CDKL4: variants seen among roughly 807,000 people sequenced by gnomAD.
The protein encoded by CDKL4 is cyclin dependent kinase like 4.
CDKL4 carries 44 observed loss-of-function variants against 42.0 expected under a neutral mutation model. The ratio of observed to expected loss-of-function variants is 1.05; its 90% CI spans 0.82 to 1.35. The LOEUF (loss-of-function observed/expected upper bound fraction) is 1.35, where lower values mean the gene tolerates loss of function less well. Among genes scored for constraint, CDKL4 ranks in the 40% most tolerant of loss-of-function variants. The probability of loss-of-function intolerance (pLI) is 0.00; values close to 1 mark genes in which losing one functional copy is unlikely to be tolerated. For synonymous variants in CDKL4, 120 were observed against 121.6 expected (o/e 0.99, Z 0.09); for missense variants, 393 against 369.9 (o/e 1.06, Z -0.51).
In CDKL4 at chr2:39,184,588, T is replaced by C; in HGVS notation, c.792+3A>G. 4 of 1,605,312 alleles carry C rather than the reference T, an allele frequency of 2.5e-6. No homozygotes were observed. In the East Asian group the frequency reaches 8.9e-5, roughly 36 times the overall value. On this transcript the variant is annotated splice_donor_region_variant and intron_variant, in intron 8 of 9. Transcript: ENST00000451199. ...ATAAGAGTTATAATTGATTCTTAAG[T>C]ACCTTCATGAAGTTCAGAGCCACAG...
downstream of CDKL4, among the ~76,000 whole-genome samples, chr2:39,173,841 G>C (rs1420884746): frequency 1.3e-5 from 2 of 149,384 alleles, no homozygotes; most frequent in Non-Finnish European, 3.0e-5. Context: ...AAATTAGCTG[G>C]GCATGGTGGC....
At chr2:39,192,634 T>C (rs1037608564) in intron 5 of CDKL4, among the ~76,000 whole-genome samples, 1 of 152,044 alleles carries the variant, frequency 6.6e-6, no homozygotes, top group Non-Finnish European at 1.5e-5. Context: ...TGTGTCCTGA[T>C]TTTTTTCATT....
At chr2:39,242,744 G>GA (rs1473420318) in intron 1 of CDKL4, among the ~76,000 whole-genome samples, 1 of 152,054 alleles carries the variant, frequency 6.6e-6, no homozygotes, top group Non-Finnish European at 1.5e-5. Context: ...AAAGAAGAGT[G>GA]AAAAAACACA....
At chr2:39,185,177 CATATGTGTATAT>C (rs1675662270) in intron 7 of CDKL4, among the ~76,000 whole-genome samples, 3 of 112,678 alleles carry the variant, frequency 2.7e-5, no homozygotes, top group African/African-American at 1.1e-4. Context: ...TATATATATA[CATATGTGTATAT>C]ACATATATAT....
intron 9 of CDKL4, among the ~76,000 whole-genome samples, chr2:39,178,274 C>T (rs767510545): frequency 2.0e-5 from 3 of 152,168 alleles, no homozygotes; most frequent in Non-Finnish European, 4.4e-5. Context: ...TGGGAAAAGA[C>T]AACACTTTCT....
At chr2:39,238,742 A>T (rs1049324922) in intron 1 of CDKL4, among the ~76,000 whole-genome samples, 1 of 150,974 alleles carries the variant, frequency 6.6e-6, no homozygotes, top group Admixed American at 6.6e-5. Flanking sequence ...GACTTTTAAA[A>T]TTTTATTTTA....
chr2:39,241,780 C>A (rs1483211388), intron 1 of CDKL4, among the ~76,000 whole-genome samples: 1 of 152,186 alleles, frequency 6.6e-6, no homozygotes, highest in Non-Finnish European at 1.5e-5. Context: ...CTTCCTTTCA[C>A]CCTTTCAAAA....
At chr2:39,236,074 A>G (rs1679353624) in intron 1 of CDKL4, among the ~76,000 whole-genome samples, 1 of 151,768 alleles carries the variant, frequency 6.6e-6, no homozygotes, top group African/African-American at 2.4e-5. Context: ...AAAGAACAAT[A>G]TGAGGACAAT....
chr2:39,229,194 A>T lies in CDKL4; in HGVS notation c.168+171T>A, dbSNP rs79722958. ...TCTATAGCTGTATTCATACACAGAC[A>T]AAATCAGAGTGGCCGAAGTCCAAAG... is the stretch of plus-strand genomic sequence containing the variant. On this transcript the variant is annotated intron_variant, in intron 2 of 9. Transcript: ENST00000451199. Among the ~76,000 whole-genome samples, 488 of 152,370 alleles carry T rather than the reference A, an allele frequency of 3.2e-3. 3 individuals are homozygous for T. The highest frequency in any genetic ancestry group is 5.3e-3 in the Admixed American group (81 of 15,306).
At chr2:39,226,465 T>TTATATATATTATATATATTA (rs1678742665) in intron 2 of CDKL4, among the ~76,000 whole-genome samples, 2 of 102,768 alleles carry the variant, frequency 1.9e-5, no homozygotes, top group South Asian at 3.0e-4. Flanking sequence ...ATTATATATA[T>TTATATATATTATATATATTA]TATATATATA....
intron 2 of CDKL4, among the ~76,000 whole-genome samples, chr2:39,228,513 G>T (rs563951188): frequency 1.3e-5 from 2 of 152,174 alleles, no homozygotes; most frequent in African/African-American, 4.8e-5. Context: ...TGTCAAAAAT[G>T]AAGGTTGCCT....
chr2:39,176,751 G>C (rs748972046), intron 9 of CDKL4, among the ~76,000 whole-genome samples: 2 of 152,196 alleles, frequency 1.3e-5, no homozygotes, highest in Non-Finnish European at 2.9e-5. Flanking sequence ...TGAATAGCTA[G>C]AATATTGGCA....
rs569566491 is a variant in CDKL4 at position 39,236,771 on chromosome 2, C to T, written c.-57+7100G>A. On this transcript the variant is annotated intron_variant, in intron 1 of 9. Coordinates refer to ENST00000451199, the Ensembl canonical transcript of CDKL4. ...AATGACAATATTCCAAACAAGTTTA[C>T]GCAACAAAATTAGTCAAGTTGGTTG... Among the ~76,000 whole-genome samples the T allele has an allele frequency of 2.0e-4, 30 of 152,152 alleles. No individual in the cohort carries two copies. The South Asian group carries it at 5.6e-3, about 28-fold the overall frequency.
chr2:39,187,517 C>T, intron 7 of CDKL4, 110 bp downstream of exon 7: 1 of 766,764 alleles, frequency 1.3e-6, no homozygotes, highest in Non-Finnish European at 2.0e-6. Context: ...TGCACTCCAG[C>T]CTTGGTGACA....
At chr2:39,223,936 G>A (rs1678534814) in intron 3 of CDKL4, among the ~76,000 whole-genome samples, 1 of 152,082 alleles carries the variant, frequency 6.6e-6, no homozygotes. Context: ...CATGTTCACT[G>A]GAAGGTAAGG....
chr2:39,204,177 C>T (rs1182361169), intron 5 of CDKL4, among the ~76,000 whole-genome samples: 1 of 152,170 alleles, frequency 6.6e-6, no homozygotes, highest in Non-Finnish European at 1.5e-5. Context: ...TATCTCCCTC[C>T]AGGGAACCGT....
At chr2:39,242,065 A>T (rs558317629) in intron 1 of CDKL4, among the ~76,000 whole-genome samples, 2 of 149,760 alleles carry the variant, frequency 1.3e-5, no homozygotes, top group Non-Finnish European at 3.0e-5. Context: ...TTTTTAACTG[A>T]GACAGGGTCT....
chr2:39,182,372 A>G (rs1675488618), intron 8 of CDKL4, among the ~76,000 whole-genome samples: 1 of 152,206 alleles, frequency 6.6e-6, no homozygotes, highest in African/African-American at 2.4e-5. Flanking sequence ...ATTTTAAAGA[A>G]CATTTTTAGA....
rs115125054 is a variant in CDKL4 at position 39,185,884 on chromosome 2, G to A, written c.736-1237C>T. Among the ~76,000 whole-genome samples the A allele has an allele frequency of 8.6e-3, 1,307 of 152,286 alleles. 21 individuals carry two copies. Among genetic ancestry groups the A allele is most frequent in the African/African-American group, 0.03 (1,255 of 41,550 alleles). ...GTCTTGCAGTTGATGCTGGGTAAATGTGGGTCCCAAATGCTCCCATCTGAA... is the reference window on the plus strand; with the variant it reads ...GTCTTGCAGTTGATGCTGGGTAAATATGGGTCCCAAATGCTCCCATCTGAA... On this transcript the variant is annotated intron_variant, in intron 7 of 9. Transcript: ENST00000451199.
Sources: allele counts gnomAD v4.1 joint callset (sites outside exome capture counted in the v4.1 genomes callset), GRCh38; gene constraint gnomAD v4.1.1; transcripts MANE v1.5; gene names NCBI Gene and HGNC (gene_info 2026-07-23, HGNC 2026-07-21).